Variants in WASF3 observed in about 807,000 individuals in gnomAD.
WASF3 encodes actin-binding protein WASF3.
Under a neutral mutation model 46.6 loss-of-function variants are expected in WASF3, and 11 were observed. The observed-to-expected ratio is 0.24, with a 90% CI of 0.15 to 0.39. WASF3 has a LOEUF of 0.39. Ranked by LOEUF, WASF3 falls within the 10% of genes least tolerant of loss-of-function variation. The pLI is 1.00. For missense variants in WASF3, 576 were observed against 669.8 expected (o/e 0.86, Z 1.55); for synonymous variants, 242 against 259.7 (o/e 0.93, Z 0.65).
rs115283596 is a variant in WASF3 at position 26,652,939 on chromosome 13, C to T, written c.133+10536C>T. ...GGCCCTTGGTGTTGCTCAGCATTCC[C>T]GTTGTAATCTCTGTGTTAATTAATT... On this transcript the variant is annotated intron_variant, in intron 3 of 9. Transcript: ENST00000335327. 5.6e-3 allele frequency among the ~76,000 whole-genome samples: 860 copies of T among 152,274 alleles called. 10 individuals are homozygous for T. Among genetic ancestry groups the T allele is most frequent in the African/African-American group, 0.02 (817 of 41,554 alleles).
At chr13:26,539,237 G>T in the WASF3 span, among the ~76,000 whole-genome samples, 32,598 of 151,912 alleles carry the variant, frequency 0.21, 3,736 homozygotes, top group Admixed American at 0.28. Flanking sequence ...CCAGAGCCAA[G>T]GTTAGTTACT....
At chr13:26,616,763 G>T (rs1881147195) in intron 2 of WASF3, among the ~76,000 whole-genome samples, 1 of 152,122 alleles carries the variant, frequency 6.6e-6, no homozygotes, top group Non-Finnish European at 1.5e-5. Context: ...CCCCTAATTA[G>T]TGAATATGTT....
At position 26,563,338 on chromosome 13, in the gene WASF3, C is replaced by T. The variant is rs116733403; in HGVS notation, c.-109+5519C>T. Reference sequence around the variant, plus strand: ...GCCTCCCAAAGTGTTGCACCGCCCCCGATGTCATAGATGTTTATAGATTAT... The same window carrying T: ...GCCTCCCAAAGTGTTGCACCGCCCCTGATGTCATAGATGTTTATAGATTAT... On this transcript the variant is annotated intron_variant, in intron 1 of 9. Transcript: ENST00000335327. Among the ~76,000 whole-genome samples, 1,035 of 152,048 alleles carry T rather than the reference C, an allele frequency of 6.8e-3. 9 individuals carry two copies. The highest frequency in any genetic ancestry group is 0.023 in the African/African-American group (969 of 41,468).
chr13:26,682,903 C>T lies in WASF3; in HGVS notation c.1280C>T (p.Ala427Val), dbSNP rs772986602. 2.0e-5 allele frequency: 33 copies of T among 1,610,996 alleles called. No homozygotes were observed. The highest frequency in any genetic ancestry group is 2.4e-5 in the Non-Finnish European group (28 of 1,179,982). ...ATGCATGGCCCCCCAGTAGCTGAGG[C>T]GAAGCGGCAAGAGCCTGCACAGCCA... Reference protein sequence around the residue: ...SPMHGPPVAEAKRQEPAQPPI... With the variant: ...SPMHGPPVAEVKRQEPAQPPI... Residue 427 changes from alanine (A) to valine (V), a missense_variant, in exon 9 of 10, where the codon GCG becomes GTG. Physicochemically the swap from Ala to Val is moderately conservative, Grantham distance 64. Coordinates refer to ENST00000335327, the MANE Select transcript of WASF3 (RefSeq NM_006646.6). The surrounding 1 kb of genome is among the most constrained non-coding windows in gnomAD (Gnocchi z 4.4).
intron 3 of WASF3, among the ~76,000 whole-genome samples, chr13:26,653,000 C>T (rs1270273552): frequency 6.6e-6 from 1 of 152,168 alleles, no homozygotes; most frequent in Non-Finnish European, 1.5e-5. Context: ...TATCTTTCCA[C>T]CTCGCACCTC....
chr13:26,661,440 T>C (rs776285524), intron 3 of WASF3, among the ~76,000 whole-genome samples: 36 of 152,374 alleles, frequency 2.4e-4, no homozygotes, highest in South Asian at 4.1e-4. Context: ...TGTTGTAGCA[T>C]GTGTCAGAAT....
intron 1 of WASF3, among the ~76,000 whole-genome samples, chr13:26,587,851 ATTAAAATGAGTTT>A (rs1172123514): frequency 6.6e-6 from 1 of 152,218 alleles, no homozygotes; most frequent in Non-Finnish European, 1.5e-5. Flanking sequence ...TCACTATTAA[ATTAAAATGAGTTT>A]TTAAAATGAA....
chr13:26,616,741 C>T (rs1428548938), intron 2 of WASF3, among the ~76,000 whole-genome samples: 1 of 152,064 alleles, frequency 6.6e-6, no homozygotes, highest in Non-Finnish European at 1.5e-5. Context: ...AATAGCTGTG[C>T]AGGACAGAAG....
At chr13:26,631,296 T>C (rs2137261422) in intron 2 of WASF3, among the ~76,000 whole-genome samples, 1 of 152,384 alleles carries the variant, frequency 6.6e-6, no homozygotes. Context: ...AGAGTTTTTA[T>C]GGTTTTAGGT....
chr13:26,551,202 G>A, the WASF3 span, among the ~76,000 whole-genome samples: 1 of 152,090 alleles, frequency 6.6e-6, no homozygotes, highest in Non-Finnish European at 1.5e-5. Context: ...GTTTCCTGAG[G>A]CCTCTCAGCC....
At chr13:26,595,384 A>T (rs1377309000) in intron 1 of WASF3, among the ~76,000 whole-genome samples, 3 of 152,236 alleles carry the variant, frequency 2.0e-5, no homozygotes, top group Non-Finnish European at 4.4e-5. Context: ...GGCAAAAAAG[A>T]AGTTCACAGT....
intron 1 of WASF3, among the ~76,000 whole-genome samples, chr13:26,579,799 A>T (rs1171280784): frequency 1.3e-5 from 2 of 152,150 alleles, no homozygotes; most frequent in Non-Finnish European, 2.9e-5. Context: ...AAATGAATGA[A>T]CTGGCAAGGG....
rs1593372204 is a variant in WASF3, at chr13:26,571,822, G to A, written c.-109+14003G>A. 2.0e-5 allele frequency among the ~76,000 whole-genome samples: 3 copies of A among 152,232 alleles called. No individual in the cohort carries two copies. In the East Asian group the frequency reaches 5.8e-4, roughly 29 times the overall value. On this transcript the variant is annotated intron_variant, in intron 1 of 9. Coordinates refer to ENST00000335327, the MANE Select transcript of WASF3 (RefSeq NM_006646.6). ...TACAAATCAACTCTGACAACCTGAT[G>A]AAGTTGTGATGTCTTAGCCAAGAAC...
At chr13:26,558,952 A>C (rs1258398979) in intron 1 of WASF3, among the ~76,000 whole-genome samples, 1 of 152,254 alleles carries the variant, frequency 6.6e-6, no homozygotes, top group Non-Finnish European at 1.5e-5. Flanking sequence ...AACTAAGTTC[A>C]AAGTATTGTA....
chr13:26,615,454 A>C (rs933535263), intron 2 of WASF3, among the ~76,000 whole-genome samples: 2 of 151,882 alleles, frequency 1.3e-5, no homozygotes, highest in African/African-American at 4.8e-5. Context: ...GGTTACAGGC[A>C]TGTGCCACCA....
chr13:26,594,525 C>G (rs1880401507), intron 1 of WASF3, among the ~76,000 whole-genome samples: 1 of 152,166 alleles, frequency 6.6e-6, no homozygotes, highest in Non-Finnish European at 1.5e-5. Context: ...CAGCAGTGGC[C>G]TAAGCTTACT....
At chr13:26,666,674 C>T (rs200294668) in intron 4 of WASF3, among the ~76,000 whole-genome samples, 7 of 151,832 alleles carry the variant, frequency 4.6e-5, no homozygotes, top group African/African-American at 1.5e-4. Flanking sequence ...CCGAGGCAGG[C>T]GGATCATGAG....
chr13:26,646,239 A>G (rs1431023776), intron 3 of WASF3, among the ~76,000 whole-genome samples: 1 of 152,200 alleles, frequency 6.6e-6, no homozygotes, highest in Non-Finnish European at 1.5e-5. Context: ...GGAAAGTTAT[A>G]TGCAAATATA....
At chr13:26,665,701 G>A (rs1009864188) in intron 4 of WASF3, among the ~76,000 whole-genome samples, 1 of 152,182 alleles carries the variant, frequency 6.6e-6, no homozygotes, top group African/African-American at 2.4e-5. Context: ...GACAAGCATT[G>A]TATAGTTAAC....
Sources: gnomAD v4.1 joint callset for allele counts (sites outside exome capture counted in the v4.1 genomes callset) on GRCh38, gnomAD v4.1.1 for gene constraint, Gnocchi (gnomAD v3.1) non-coding constraint, MANE v1.5 for transcripts, NCBI Gene and HGNC (gene_info 2026-07-23, HGNC 2026-07-21) for gene names.